Variants in FRY observed in about 807,000 individuals in gnomAD.
The protein encoded by FRY is protein furry homolog.
Under a neutral mutation model 348.4 loss-of-function variants are expected in FRY, and 128 were observed. The ratio of observed to expected loss-of-function variants is 0.37; its 90% CI spans 0.32 to 0.43. The LOEUF is 0.43. FRY is among the 20% of genes least tolerant of loss of function. The pLI is 1.00. For synonymous variants in FRY, 1,370 were observed against 1,374.7 expected (o/e 1.00, Z 0.08); for missense variants, 2,736 against 3,695.2 (o/e 0.74, Z 6.73).
intron 1 of FRY, among the ~76,000 whole-genome samples, chr13:32,042,258 A>T (rs1408036503): frequency 6.6e-6 from 1 of 152,208 alleles, no homozygotes; most frequent in Non-Finnish European, 1.5e-5. Context: ...ACTGGAAATG[A>T]TTACTGTAGG....
chr13:32,104,028 G>T (rs1368923415), intron 3 of FRY, among the ~76,000 whole-genome samples: 1 of 151,428 alleles, frequency 6.6e-6, no homozygotes. Flanking sequence ...TATATTCTTT[G>T]TCTCTTTATC....
At chr13:32,166,222 A>G (rs1881727560) in intron 17 of FRY, among the ~76,000 whole-genome samples, 1 of 152,340 alleles carries the variant, frequency 6.6e-6, no homozygotes, top group South Asian at 2.1e-4. Flanking sequence ...CATCTTCTCA[A>G]GTTGCTTTCT....
At chr13:32,102,712 GGTTCA>G (rs1877243367) in intron 3 of FRY, among the ~76,000 whole-genome samples, 1 of 152,150 alleles carries the variant, frequency 6.6e-6, no homozygotes, top group Non-Finnish European at 1.5e-5. Context: ...GATAGATTCT[GGTTCA>G]GTAACCAGGA....
chr13:32,139,412 A>T (rs1033646835), intron 11 of FRY, among the ~76,000 whole-genome samples: 3 of 152,162 alleles, frequency 2.0e-5, no homozygotes, highest in Non-Finnish European at 2.9e-5. Flanking sequence ...TGAATCCCAC[A>T]TGCTGACCTT....
intron 28 of FRY, among the ~76,000 whole-genome samples, chr13:32,190,655 A>G (rs959800718): frequency 2.6e-5 from 4 of 152,182 alleles, no homozygotes; most frequent in African/African-American, 9.6e-5. Flanking sequence ...ATAGAAATAT[A>G]TAAGGCATTA....
intron 3 of FRY, 60 bp downstream of exon 3, chr13:32,102,076 G>A (rs1877198728): frequency 1.1e-6 from 1 of 926,892 alleles, no homozygotes; most frequent in Non-Finnish European, 1.8e-6. Context: ...CGCAAGGCAA[G>A]GTCTGCATGC....
intron 11 of FRY, among the ~76,000 whole-genome samples, chr13:32,141,965 A>G (rs867464136): frequency 2.0e-5 from 3 of 152,128 alleles, no homozygotes; most frequent in Non-Finnish European, 2.9e-5. Context: ...TTAATTAATT[A>G]TTGGTTAATT....
intron 35 of FRY, among the ~76,000 whole-genome samples, chr13:32,214,022 A>G (rs1884832687): frequency 6.6e-6 from 1 of 152,250 alleles, no homozygotes; most frequent in Non-Finnish European, 1.5e-5. Flanking sequence ...TTATACTGAT[A>G]TTTATCTACC....
chr13:32,287,556 A>G (rs1241248194), intron 58 of FRY, among the ~76,000 whole-genome samples: 1 of 152,264 alleles, frequency 6.6e-6, no homozygotes, highest in African/African-American at 2.4e-5. Context: ...AAAATCTTCA[A>G]GCAATAAAAG....
chr13:32,147,222 T>G, intron 11 of FRY, 60 bp from the exon 12 acceptor site: 1 of 1,027,310 alleles, frequency 9.7e-7, no homozygotes, highest in Non-Finnish European at 1.5e-6. Context: ...AAGAGCCATC[T>G]CTAGAACCTC....
At chr13:32,071,956 C>T (rs1874686567) in intron 1 of FRY, among the ~76,000 whole-genome samples, 1 of 152,066 alleles carries the variant, frequency 6.6e-6, no homozygotes, top group South Asian at 2.1e-4. Flanking sequence ...ATATGGGAAG[C>T]TCAAAAGATA....
intron 48 of FRY, among the ~76,000 whole-genome samples, chr13:32,248,889 C>T (rs1320123533): frequency 6.6e-6 from 1 of 152,146 alleles, no homozygotes; most frequent in Non-Finnish European, 1.5e-5. Context: ...AATGATGGGT[C>T]TCAGGAGCCA....
rs1883095851 is a variant in FRY at position 32,187,560 on chromosome 13, A to G, written c.3495A>G (p.Val1165=). 5 of 1,604,874 alleles carry G rather than the reference A, an allele frequency of 3.1e-6. No individual in the cohort carries two copies. The East Asian group carries it at 1.1e-4, about 36-fold the overall frequency. The part of the protein sequence containing the change: ...QYCALKAMSA[V]LCCGPVFDNV... ...TTTATCATCAGGCAATGTCAGCAGT[A>G]CTGTGCTGTGGCCCTGTCTTTGACA... Residue 1165 remains valine, a synonymous_variant, in exon 28 of 61, where the codon GTA becomes GTG. Transcript: ENST00000542859.
Position 32,222,062 on chromosome 13 carries a change from G to T in FRY, c.4766-2173G>T, listed in dbSNP as rs150191799. Among the ~76,000 whole-genome samples, 83 of 152,152 alleles carry T rather than the reference G, an allele frequency of 5.5e-4. No homozygotes were observed. In the East Asian group the frequency reaches 0.013, roughly 23 times the overall value. On this transcript the variant is annotated intron_variant, in intron 36 of 60. Coordinates refer to ENST00000542859, the MANE Select transcript of FRY (RefSeq NM_023037.3). Reference sequence around the variant, plus strand: ...GGGTAGAAAGTGATTGGGGTTGGGGGTCAATTTACATAGAGTAGTCAAGGA... The same window carrying T: ...GGGTAGAAAGTGATTGGGGTTGGGGTTCAATTTACATAGAGTAGTCAAGGA...
chr13:32,197,895 T>C (rs1343930906), intron 29 of FRY, among the ~76,000 whole-genome samples: 1 of 152,244 alleles, frequency 6.6e-6, no homozygotes, highest in Admixed American at 6.5e-5. Flanking sequence ...CTCCCATATT[T>C]ATTTTATCAT....
intron 39 of FRY, among the ~76,000 whole-genome samples, chr13:32,227,751 G>GTTTT (rs200389438): frequency 7.4e-6 from 1 of 135,872 alleles, no homozygotes; most frequent in African/African-American, 2.7e-5. Context: ...ATTTCACATG[G>GTTTT]TTTTTTTTTT....
intron 28 of FRY, among the ~76,000 whole-genome samples, chr13:32,193,696 C>T (rs1222657383): frequency 6.0e-5 from 9 of 149,468 alleles, no homozygotes; most frequent in Admixed American, 6.8e-5. Flanking sequence ...AGTGATTCTC[C>T]TACCTCAGCC....
chr13:32,276,663 G>T, intron 57 of FRY, 101 bp downstream of exon 57: 1 of 759,594 alleles, frequency 1.3e-6, no homozygotes, highest in South Asian at 1.4e-5. Context: ...AAGACTTTCA[G>T]ACTTCATCTT....
At chr13:32,109,981 A>G (rs1877852218) in intron 3 of FRY, among the ~76,000 whole-genome samples, 1 of 152,212 alleles carries the variant, frequency 6.6e-6, no homozygotes, top group Non-Finnish European at 1.5e-5. Flanking sequence ...GGGATGGCCC[A>G]TCACAGCAGC....
Sources: allele counts gnomAD v4.1 joint callset (sites outside exome capture counted in the v4.1 genomes callset), GRCh38; gene constraint gnomAD v4.1.1; transcripts MANE v1.5; gene names NCBI Gene and HGNC (gene_info 2026-07-23, HGNC 2026-07-21).